PYGL: variants seen among roughly 807,000 people sequenced by gnomAD.
The protein encoded by PYGL is glycogen phosphorylase L, also known as glycogen phosphorylase, liver form.
A neutral mutation model predicts 100.1 loss-of-function variants in PYGL; 90 were observed. That is an observed-to-expected ratio of 0.90 (90% CI 0.76 to 1.07). The LOEUF is 1.07. Ranked by LOEUF, PYGL falls within the 50% of genes least tolerant of loss-of-function variation. The probability of loss-of-function intolerance (pLI) is 0.00; values close to 1 mark genes in which losing one functional copy is unlikely to be tolerated. For missense variants in PYGL, 1,016 were observed against 1,057.6 expected, an observed-to-expected ratio of 0.96 and a Z score of 0.55; for synonymous variants, 373 against 393.0, an observed-to-expected ratio of 0.95 and a Z score of 0.60.
At chr14:50,919,581 G>T (rs1206232918) in intron 7 of PYGL, among the ~76,000 whole-genome samples, 2 of 152,038 alleles carry the variant, frequency 1.3e-5, no homozygotes, top group African/African-American at 4.8e-5. Flanking sequence ...TCATGAAAAT[G>T]ATTTTACCCA....
intron 16 of PYGL, 126 bp downstream of exon 16, chr14:50,911,604 T>C: frequency 7.8e-7 from 1 of 1,279,714 alleles, no homozygotes; most frequent in Non-Finnish European, 1.1e-6. Context: ...AGGCCCTTAT[T>C]CTGCACAAGA....
At position 50,944,233 on chromosome 14, in the gene PYGL, C is replaced by T. The variant is rs761357737; in HGVS notation, c.171G>A (p.Ala57=). The change falls in exon 1 of 20, where the codon GCG becomes GCA. Residue 57 remains alanine, a synonymous_variant. Coordinates refer to ENST00000216392, the MANE Select transcript of PYGL (RefSeq NM_002863.5). The part of the protein sequence containing the change: ...ATTRDYYFAL[A]HTVRDHLVGR... ...CCACCAGGTGGTCGCGCACCGTGTG[C>T]GCCAGCGCGAAGTAGTAGTCGCGGG... The T allele has an allele frequency of 6.2e-7, 1 of 1,613,284 alleles. No homozygotes were observed. The highest frequency in any genetic ancestry group is 1.7e-5 in the Admixed American group (1 of 60,010).
In PYGL at chr14:50,924,110, G is replaced by A. The variant is rs1309429140; in HGVS notation, c.529-10C>T. On this transcript the variant is annotated splice_polypyrimidine_tract_variant and intron_variant, in intron 4 of 19. Coordinates refer to ENST00000216392, the MANE Select transcript of PYGL (RefSeq NM_002863.5). ...CATCTGCTTCTTCTACCTGCAAAAG[G>A]ATACAGTATTGCTTAGAATTTATTT... 6.2e-7 allele frequency: 1 copy of A among 1,612,908 alleles called. No individual in the cohort carries two copies. Among genetic ancestry groups the A allele is most frequent in the South Asian group, 1.1e-5 (1 of 91,048 alleles).
chr14:50,917,203 C>T (rs909505899), intron 7 of PYGL, 98 bp from the exon 8 acceptor site: 2 of 1,329,484 alleles, frequency 1.5e-6, no homozygotes, highest in African/African-American at 1.4e-5. Flanking sequence ...GACTAAGGCC[C>T]ATTGGACATC....
Position 50,908,801 on chromosome 14 carries a change from ATCT to A in PYGL, c.2312+17_2312+19del, listed in dbSNP as rs1566499316. 1.3e-6 allele frequency: 2 copies of A among 1,545,302 alleles called. No individual in the cohort carries two copies. The highest frequency in any genetic ancestry group is 2.7e-5 in the African/African-American group (2 of 73,276). Reference sequence around the variant, plus strand: ...CCCCTTTCATGATCCAAATAGCACCATCTTCTTATGGGAACTCACCTGTCATGA... The same window carrying A: ...CCCCTTTCATGATCCAAATAGCACCATCTTATGGGAACTCACCTGTCATGA... On this transcript the variant is annotated intron_variant, in intron 18 of 19. Coordinates refer to ENST00000216392, the MANE Select transcript of PYGL (RefSeq NM_002863.5).
chr14:50,944,406 C>G lies in PYGL; in HGVS notation c.-3G>C. Reference sequence around the variant, plus strand: ...TGGTCCGTCAGGGGCTTCGCCATGGCTGGGGCGGCGGGCTGCGCGGCGGGC... The same window carrying G: ...TGGTCCGTCAGGGGCTTCGCCATGGGTGGGGCGGCGGGCTGCGCGGCGGGC... On this transcript the variant is annotated 5_prime_UTR_variant, in exon 1 of 20. Transcript: ENST00000216392. 1 of 1,607,760 alleles carries G rather than the reference C, an allele frequency of 6.2e-7. No homozygotes were observed. The highest frequency in any genetic ancestry group is 8.5e-7 in the Non-Finnish European group (1 of 1,178,132).
At chr14:50,940,220 TA>T (rs2050691548) in intron 1 of PYGL, among the ~76,000 whole-genome samples, 1 of 152,124 alleles carries the variant, frequency 6.6e-6, no homozygotes. Context: ...TTACCCAGTT[TA>T]AAAAAATCCT....
intron 5 of PYGL, among the ~76,000 whole-genome samples, chr14:50,921,881 A>T (rs2050506213): frequency 6.6e-6 from 1 of 152,190 alleles, no homozygotes; most frequent in Non-Finnish European, 1.5e-5. Flanking sequence ...ATAACATCTC[A>T]TATAATATTT....
In PYGL at chr14:50,942,713, CGA is replaced by C. The variant is rs1174790845; in HGVS notation, c.243+1446_243+1447del. On this transcript the variant is annotated intron_variant, in intron 1 of 19. Transcript: ENST00000216392. ...GTAGGAGCCTGTAGTCCCAGCTACT[CGA>C]GAGTCTGAGGCAGGAGAATCGCTTC... Among the ~76,000 whole-genome samples, 5 of 138,582 alleles carry C rather than the reference CGA, an allele frequency of 3.6e-5. 1 individual carries two copies. The highest frequency in any genetic ancestry group is 5.0e-5 in the African/African-American group (2 of 40,072). The allele number at this position is 138,582 out of a possible 152,430, so 90.9% of individuals were successfully genotyped here.
chr14:50,928,044 G>A (rs540169736), intron 4 of PYGL, among the ~76,000 whole-genome samples: 2 of 152,290 alleles, frequency 1.3e-5, no homozygotes, highest in East Asian at 3.9e-4. Context: ...CATCCCAGAG[G>A]CTGCACGGGG....
At chr14:50,926,972 T>C (rs2050554415) in intron 4 of PYGL, among the ~76,000 whole-genome samples, 1 of 152,122 alleles carries the variant, frequency 6.6e-6, no homozygotes, top group Non-Finnish European at 1.5e-5. Context: ...TGCAGGGCTG[T>C]TGTAAAACCC....
chr14:50,914,911 G>C (rs2050431737), intron 11 of PYGL, 96 bp from the exon 12 acceptor site: 1 of 924,986 alleles, frequency 1.1e-6, no homozygotes, highest in African/African-American at 1.6e-5. Context: ...GAAGCCAAGT[G>C]CAGGCTTAGA....
intron 2 of PYGL, 100 bp downstream of exon 2, chr14:50,937,636 C>T (rs929456318): frequency 1.7e-6 from 2 of 1,187,820 alleles, no homozygotes; most frequent in African/African-American, 3.0e-5. Flanking sequence ...CGATTTTTCA[C>T]TCTTATTTTA....
chr14:50,922,448 A>G (rs1245521104), intron 5 of PYGL, among the ~76,000 whole-genome samples: 1 of 152,204 alleles, frequency 6.6e-6, no homozygotes, highest in Non-Finnish European at 1.5e-5. Flanking sequence ...TGGACTTTTA[A>G]AGCAAGTTGT....
intron 1 of PYGL, among the ~76,000 whole-genome samples, chr14:50,941,865 G>A (rs536553912): frequency 6.6e-6 from 1 of 152,148 alleles, no homozygotes; most frequent in East Asian, 1.9e-4. Context: ...GTGACAGAGT[G>A]AGACTCTGTC....
intron 19 of PYGL, among the ~76,000 whole-genome samples, chr14:50,906,948 G>T (rs1221039439): frequency 6.6e-6 from 1 of 152,182 alleles, no homozygotes; most frequent in Admixed American, 6.5e-5. Flanking sequence ...ATGACAGTAG[G>T]AACTACCCTT....
intron 3 of PYGL, among the ~76,000 whole-genome samples, chr14:50,933,481 AAG>A (rs1289918485): frequency 6.6e-6 from 1 of 152,210 alleles, no homozygotes; most frequent in Non-Finnish European, 1.5e-5. Context: ...CAATTTCTAA[AAG>A]AGAGGAGATA....
At chr14:50,943,171 C>A (rs73286833) in intron 1 of PYGL, among the ~76,000 whole-genome samples, 6,968 of 151,980 alleles carry the variant, frequency 0.046, 372 homozygotes, top group African/African-American at 0.13. Context: ...GGGATGTATC[C>A]CAATCTTTTA....
chr14:50,905,347 T>A lies in PYGL; in HGVS notation c.*45A>T. 6.4e-7 allele frequency: 1 copy of A among 1,561,936 alleles called. No homozygotes were observed. The highest frequency in any genetic ancestry group is 8.8e-7 in the Non-Finnish European group (1 of 1,134,202). The stretch of plus-strand genomic sequence containing the variant: ...AAACCAGTGAATGTTGTAAAAATGT[T>A]CAAGTTCAGTAAGAAGCTATGTTTT... On this transcript the variant is annotated 3_prime_UTR_variant, in exon 20 of 20. Coordinates refer to ENST00000216392, the MANE Select transcript of PYGL (RefSeq NM_002863.5).
Sources: allele counts gnomAD v4.1 joint callset (sites outside exome capture counted in the v4.1 genomes callset), GRCh38; gene constraint gnomAD v4.1.1; transcripts MANE v1.5; gene names NCBI Gene and HGNC (gene_info 2026-07-23, HGNC 2026-07-21).